Variants in FREM3 observed in about 807,000 individuals in gnomAD.
The protein encoded by FREM3 is FRAS1 related extracellular matrix 3.
A neutral mutation model predicts 129.1 loss-of-function variants in FREM3; 105 were observed. The ratio of observed to expected loss-of-function variants is 0.81; its 90% CI spans 0.69 to 0.96. The LOEUF (loss-of-function observed/expected upper bound fraction) is 0.96, where lower values mean the gene tolerates loss of function less well. Among genes scored for constraint, FREM3 ranks in the 40% least tolerant of loss-of-function variants. FREM3 has a pLI of 0.00. For missense variants in FREM3, 2,593 were observed against 2,666.3 expected, an observed-to-expected ratio of 0.97 and a Z score of 0.61; for synonymous variants, 1,014 against 1,044.9, an observed-to-expected ratio of 0.97 and a Z score of 0.57.
chr4:143,631,448 A>T (rs1007078750), intron 2 of FREM3, among the ~76,000 whole-genome samples: 3 of 152,144 alleles, frequency 2.0e-5, no homozygotes, highest in Non-Finnish European at 4.4e-5. Context: ...GGTTCAAGTG[A>T]TTCTCCTGCC....
intron 4 of FREM3, among the ~76,000 whole-genome samples, chr4:143,622,758 T>A (rs1738974348): frequency 6.6e-6 from 1 of 152,200 alleles, no homozygotes; most frequent in South Asian, 2.1e-4. Flanking sequence ...TGCCCTCTAT[T>A]TTTTCCAATC....
intron 6 of FREM3, among the ~76,000 whole-genome samples, chr4:143,599,938 G>T (rs1497615): frequency 0.33 from 50,503 of 152,046 alleles, 9,795 homozygotes; most frequent in South Asian, 0.43. Flanking sequence ...CTGGACTATG[G>T]GCTCAGAAGC....
intron 7 of FREM3, among the ~76,000 whole-genome samples, chr4:143,582,873 T>C (rs559309665): frequency 6.7e-6 from 1 of 149,976 alleles, no homozygotes; most frequent in African/African-American, 2.5e-5. Context: ...TGAAAATATT[T>C]ATTATTTTTA....
At position 143,667,857 on chromosome 4, in the gene FREM3, C is replaced by T. The variant is rs540626956; in HGVS notation, c.5275+25256G>A. ...CCTCTCTTTAGTAGGATTTTCTTAG[C>T]AGAGTTTTCTGATGTTCTTAGCTTT... On this transcript the variant is annotated intron_variant, in intron 2 of 7. Coordinates refer to ENST00000329798, the MANE Select transcript of FREM3 (RefSeq NM_001168235.2). Among the ~76,000 whole-genome samples the T allele has an allele frequency of 3.9e-5, 6 of 152,290 alleles. No individual in the cohort carries two copies. The East Asian group carries it at 7.7e-4, about 20-fold the overall frequency.
At chr4:143,680,760 T>C (rs1462641124) in intron 2 of FREM3, among the ~76,000 whole-genome samples, 1 of 152,140 alleles carries the variant, frequency 6.6e-6, no homozygotes, top group Non-Finnish European at 1.5e-5. Flanking sequence ...GCTTTTGAAT[T>C]ATCATATGTA....
chr4:143,698,012 T>G lies in FREM3; in HGVS notation c.2664A>C (p.Glu888Asp). Reference protein sequence around the residue: ...QYFKRCMVPGESFMQADVING... With the variant: ...QYFKRCMVPGDSFMQADVING... ...TAATAACATCAGCTTGCATGAAAGA[T>G]TCCCCTGGGACCATACATCTTTTAA... The change falls in exon 1 of 8, where the codon GAA becomes GAC. Residue 888 changes from glutamate to aspartate, a missense_variant. Coordinates refer to ENST00000329798, the MANE Select transcript of FREM3 (RefSeq NM_001168235.2). The G allele has an allele frequency of 6.5e-7, 1 of 1,537,386 alleles. No homozygotes were observed. The highest frequency in any genetic ancestry group is 8.7e-7 in the Non-Finnish European group (1 of 1,146,946).
chr4:143,632,257 A>G (rs1739153948), intron 2 of FREM3, among the ~76,000 whole-genome samples: 1 of 152,178 alleles, frequency 6.6e-6, no homozygotes, highest in South Asian at 2.1e-4. Context: ...CAATAAGCAA[A>G]TAATGTATAA....
intron 2 of FREM3, among the ~76,000 whole-genome samples, chr4:143,671,221 C>T (rs1306063748): frequency 5.3e-5 from 8 of 152,132 alleles, no homozygotes; most frequent in Non-Finnish European, 1.0e-4. Flanking sequence ...ATATGTCAGG[C>T]AGGCATTTCA....
chr4:143,626,793 T>A (rs1202465519), intron 3 of FREM3, among the ~76,000 whole-genome samples: 7 of 152,196 alleles, frequency 4.6e-5, no homozygotes, highest in Non-Finnish European at 8.8e-5. Flanking sequence ...ATTGCTTGTT[T>A]TCTCTCCAGC....
intron 2 of FREM3, among the ~76,000 whole-genome samples, chr4:143,674,058 G>A (rs914063452): frequency 2.6e-5 from 4 of 152,138 alleles, no homozygotes; most frequent in Non-Finnish European, 4.4e-5. Flanking sequence ...GCGATGCCTC[G>A]CCCTGCTTTG....
intron 5 of FREM3, among the ~76,000 whole-genome samples, chr4:143,614,325 A>C (rs950354070): frequency 6.6e-6 from 1 of 152,238 alleles, no homozygotes; most frequent in African/African-American, 2.4e-5. Context: ...ATTTAAGTAA[A>C]AAACAAACAA....
chr4:143,605,423 A>G (rs1738651983), intron 6 of FREM3, among the ~76,000 whole-genome samples: 1 of 152,122 alleles, frequency 6.6e-6, no homozygotes, highest in Admixed American at 6.5e-5. Context: ...TACTAACTTT[A>G]TTGTTCACCT....
chr4:143,595,766 TAGTCCC>T (rs1292002991), intron 6 of FREM3, among the ~76,000 whole-genome samples: 1 of 151,928 alleles, frequency 6.6e-6, no homozygotes, highest in African/African-American at 2.4e-5. Context: ...CAGGCTCCTG[TAGTCCC>T]AGTTACTTGG....
intron 7 of FREM3, among the ~76,000 whole-genome samples, chr4:143,580,920 G>A (rs1738131312): frequency 6.6e-6 from 1 of 152,120 alleles, no homozygotes; most frequent in Admixed American, 6.5e-5. Context: ...ACTGGGCAGG[G>A]CCTCCCGACC....
intron 2 of FREM3, among the ~76,000 whole-genome samples, chr4:143,684,082 G>A (rs960190062): frequency 7.2e-5 from 11 of 152,090 alleles, no homozygotes; most frequent in African/African-American, 2.7e-4. Flanking sequence ...CCCTGGTAGT[G>A]GAAGACAAAG....
chr4:143,632,544 A>C (rs1329139485), intron 2 of FREM3, among the ~76,000 whole-genome samples: 1 of 152,190 alleles, frequency 6.6e-6, no homozygotes, highest in East Asian at 1.9e-4. Context: ...CCTATCAATC[A>C]GTACCTATCA....
Position 143,698,763 on chromosome 4 carries a change from T to G in FREM3, c.1913A>C (p.Tyr638Ser). 1 of 1,537,522 alleles carries G rather than the reference T, an allele frequency of 6.5e-7. No homozygotes were observed. Among genetic ancestry groups the G allele is most frequent in the Non-Finnish European group, 8.7e-7 (1 of 1,146,970 alleles). The part of the protein sequence containing the change: ...DWHYMEKEGL[Y>S]EKVVTEWLQR... ...TAGCCACTCAGTCACCACTTTCTCA[T>G]AAAGCCCTTCCTTTTCCATGTAGTG... The change falls in exon 1 of 8, where the codon TAT becomes TCT. Residue 638 changes from tyrosine (Y) to serine (S), a missense_variant. By Grantham distance (144) the Tyr-to-Ser change is moderately radical (BLOSUM62 -2). This residue lies in a region of FREM3 where 2,276 missense variants were observed against 2,267.2 expected (regional missense o/e 1.00). Transcript: ENST00000329798.
intron 2 of FREM3, among the ~76,000 whole-genome samples, chr4:143,668,249 A>G (rs930791733): frequency 6.6e-6 from 1 of 152,210 alleles, no homozygotes; most frequent in South Asian, 2.1e-4. Flanking sequence ...CAAAGAAATA[A>G]AAAGCAAATG....
At chr4:143,587,235 A>AT (rs36115709) in intron 6 of FREM3, among the ~76,000 whole-genome samples, 20,291 of 152,068 alleles carry the variant, frequency 0.13, 1,408 homozygotes, top group South Asian at 0.21. Context: ...ATGCCTACTC[A>AT]TTTTTTTAAG....
Sources: allele counts gnomAD v4.1 joint callset (sites outside exome capture counted in the v4.1 genomes callset), GRCh38; gene constraint gnomAD v4.1.1; regional missense constraint gnomAD v4.1.1; transcripts MANE v1.5; gene names NCBI Gene and HGNC (gene_info 2026-07-23, HGNC 2026-07-21).